Variants in PEX5L observed in about 807,000 individuals in gnomAD.
The protein encoded by PEX5L is peroxisomal biogenesis factor 5 like.
PEX5L carries 30 observed loss-of-function variants against 84.0 expected under a neutral mutation model. That is an observed-to-expected ratio of 0.36 (90% confidence interval 0.27 to 0.48). The LOEUF (loss-of-function observed/expected upper bound fraction) is 0.48. Among genes scored for constraint, PEX5L ranks in the 20% least tolerant of loss-of-function variants. The pLI is 0.99. For synonymous variants in PEX5L, 270 were observed against 283.1 expected, an observed-to-expected ratio of 0.95 and a Z score of 0.46; for missense variants, 533 against 754.6, an observed-to-expected ratio of 0.71 and a Z score of 3.44.
In PEX5L at chr3:179,856,443, A is replaced by G. The variant is rs992173045; in HGVS notation, c.822+2619T>C. On this transcript the variant is annotated intron_variant, in intron 8 of 14. Coordinates refer to ENST00000467460, the MANE Select transcript of PEX5L (RefSeq NM_016559.3). ...GCTTTTTCCAAATTTTCACTATTCA[A>G]TGAAATTCTACAGATAAAATATTGC... is the stretch of plus-strand genomic sequence containing the variant. Among the ~76,000 whole-genome samples the G allele has an allele frequency of 3.0e-4, 45 of 152,210 alleles. 1 individual carries two copies. The highest frequency in any genetic ancestry group is 4.1e-4 in the South Asian group (2 of 4,832).
intron 7 of PEX5L, 66 bp from the exon 8 acceptor site, chr3:179,859,223 T>C: frequency 8.2e-7 from 1 of 1,214,760 alleles, no homozygotes; most frequent in Non-Finnish European, 1.2e-6. Flanking sequence ...AATATACAGG[T>C]GCTTTTCCTT....
chr3:179,894,890 A>G lies in PEX5L; in HGVS notation c.198+3252T>C, dbSNP rs549612075. On this transcript the variant is annotated intron_variant, in intron 3 of 14. Transcript: ENST00000467460. ...AAGTATCTAGGAGATATGGTCAAAA[A>G]CAAAACTTCTGAAGGTTCCTCAAGA... Among the ~76,000 whole-genome samples the G allele has an allele frequency of 7.9e-5, 12 of 152,216 alleles. No individual in the cohort carries two copies. The South Asian group carries it at 2.5e-3, about 32-fold the overall frequency.
intron 1 of PEX5L, among the ~76,000 whole-genome samples, chr3:179,996,418 A>T (rs572614711): frequency 6.6e-6 from 1 of 152,226 alleles, no homozygotes; most frequent in Admixed American, 6.5e-5. Flanking sequence ...GGGTTCTAAT[A>T]GTTTATTTGC....
chr3:179,852,866 C>G (rs1742435399), intron 8 of PEX5L, among the ~76,000 whole-genome samples: 1 of 152,124 alleles, frequency 6.6e-6, no homozygotes, highest in South Asian at 2.1e-4. Flanking sequence ...GATTTTGAAT[C>G]TAGGGGGAAA....
intron 2 of PEX5L, among the ~76,000 whole-genome samples, chr3:179,922,393 T>C (rs1458842831): frequency 2.0e-5 from 3 of 151,958 alleles, no homozygotes; most frequent in Non-Finnish European, 4.4e-5. Context: ...GCCAGGAAGA[T>C]AGCTTTCTCC....
rs149693152 is a variant in PEX5L at position 179,887,752 on chromosome 3, G to C, written c.231C>G (p.Leu77=). The change falls in exon 4 of 15, where the codon CTC becomes CTG. Residue 77 remains leucine, a synonymous_variant. Transcript: ENST00000467460. ...LVNEQQESRP[L]LSPSIDDFLC... is the part of the protein sequence containing the mutation. ...GAAAGTCATCGATGGAGGGACTCAG[G>C]AGGGGTCTGCTTTCTTGTTGCTCAT... 28 of 1,613,844 alleles carry C rather than the reference G, an allele frequency of 1.7e-5. No individual in the cohort carries two copies. In the Middle Eastern group the frequency reaches 4.9e-4, roughly 28 times the overall value.
intron 7 of PEX5L, among the ~76,000 whole-genome samples, chr3:179,868,048 T>G (rs201420465): frequency 1.6e-5 from 1 of 63,418 alleles, no homozygotes; most frequent in Non-Finnish European, 3.6e-5. Context: ...TCTTCTTTTT[T>G]TTTTTTTTTT....
At chr3:179,867,476 C>G (rs1175502739) in intron 7 of PEX5L, among the ~76,000 whole-genome samples, 2 of 152,038 alleles carry the variant, frequency 1.3e-5, no homozygotes, top group African/African-American at 4.8e-5. Flanking sequence ...TTCTTTCTTT[C>G]TTCGTGACTT....
intron 2 of PEX5L, among the ~76,000 whole-genome samples, chr3:179,958,844 G>A (rs1781284823): frequency 1.3e-5 from 2 of 151,912 alleles, no homozygotes; most frequent in Admixed American, 1.3e-4. Flanking sequence ...CCAAAAATTG[G>A]AATAACATAA....
At chr3:179,835,362 C>CTT (rs143213645) in intron 8 of PEX5L, among the ~76,000 whole-genome samples, 88 of 146,064 alleles carry the variant, frequency 6.0e-4, no homozygotes, top group African/African-American at 1.6e-3. Flanking sequence ...ATTGTTGTTG[C>CTT]TTTTTTTTTT....
intron 4 of PEX5L, chr3:179,881,435 G>A (rs1461808703): frequency 6.6e-6 from 1 of 152,174 alleles, no homozygotes; most frequent in African/African-American, 2.4e-5. Context: ...GCTCTGTCAC[G>A]GCTTAGTGTG....
chr3:179,845,571 T>C (rs564757770), intron 8 of PEX5L, among the ~76,000 whole-genome samples: 3 of 152,314 alleles, frequency 2.0e-5, no homozygotes, highest in South Asian at 4.1e-4. Context: ...AAGAAAAATA[T>C]ATTTCCAACC....
chr3:179,875,533 A>C, intron 5 of PEX5L, 56 bp from the exon 6 acceptor site: 90 of 935,796 alleles, frequency 9.6e-5, no homozygotes, highest in Middle Eastern at 5.0e-4. Context: ...GGGTAGGGGG[A>C]GCGGTGGCGG....
intron 1 of PEX5L, among the ~76,000 whole-genome samples, chr3:180,034,082 G>A (rs761423456): frequency 9.9e-5 from 15 of 152,124 alleles, no homozygotes; most frequent in Non-Finnish European, 7.4e-5. Context: ...AAAAACAAAG[G>A]CACCACAGGA....
chr3:179,916,144 T>G (rs1396671987), intron 2 of PEX5L, among the ~76,000 whole-genome samples: 1 of 152,190 alleles, frequency 6.6e-6, no homozygotes, highest in African/African-American at 2.4e-5. Flanking sequence ...TATATTTTGA[T>G]AGTACAGTCA....
chr3:179,927,012 T>C (rs1771657638), intron 2 of PEX5L, among the ~76,000 whole-genome samples: 1 of 152,244 alleles, frequency 6.6e-6, no homozygotes, highest in African/African-American at 2.4e-5. Context: ...GCAAATTGTT[T>C]AAACTCTCTG....
intron 8 of PEX5L, among the ~76,000 whole-genome samples, chr3:179,835,503 T>C (rs985251953): frequency 6.6e-6 from 1 of 152,086 alleles, no homozygotes; most frequent in Non-Finnish European, 1.5e-5. Context: ...AAAACAGCAA[T>C]AGTGGCTTTG....
chr3:179,804,379 A>G (rs943667704), intron 14 of PEX5L: 1 of 152,192 alleles, frequency 6.6e-6, no homozygotes, highest in Non-Finnish European at 1.5e-5. Flanking sequence ...ATCACGTTAT[A>G]GCTTTCCCTC....
chr3:179,871,378 C>T (rs1345169651), intron 7 of PEX5L, among the ~76,000 whole-genome samples: 1 of 152,156 alleles, frequency 6.6e-6, no homozygotes, highest in Non-Finnish European at 1.5e-5. Context: ...GCTGGGATTA[C>T]ATGCGTGAGC....
Sources: gnomAD v4.1 joint callset for allele counts (sites outside exome capture counted in the v4.1 genomes callset) on GRCh38, gnomAD v4.1.1 for gene constraint, MANE v1.5 for transcripts, NCBI Gene and HGNC (gene_info 2026-07-23, HGNC 2026-07-21) for gene names.